Variants in FBXO10 observed in about 807,000 individuals in gnomAD.
FBXO10 encodes F-box protein 10.
In FBXO10, 39 loss-of-function variants were observed where a neutral mutation model predicts 80.7. The ratio of observed to expected loss-of-function variants is 0.48; its 90% CI spans 0.37 to 0.63. The LOEUF (loss-of-function observed/expected upper bound fraction) is 0.63, where lower values mean the gene tolerates loss of function less well. FBXO10 is among the 30% of genes least tolerant of loss of function. FBXO10 has a pLI of 0.00. For synonymous variants in FBXO10, 449 were observed against 489.6 expected (o/e 0.92, Z 1.09); for missense variants, 1,025 against 1,269.0 (o/e 0.81, Z 2.92).
At chr9:37,545,272 G>A (rs1193699274) in intron 1 of FBXO10, among the ~76,000 whole-genome samples, 1 of 144,898 alleles carries the variant, frequency 6.9e-6, no homozygotes, top group Non-Finnish European at 1.5e-5. Context: ...TGCCTCTCAG[G>A]TTCAAGTGAT....
At chr9:37,515,643 C>A (rs1821162650) in intron 10 of FBXO10, 1 of 368,244 alleles carries the variant, frequency 2.7e-6, no homozygotes, top group Non-Finnish European at 4.9e-6. Context: ...AAGTAAGTTG[C>A]CCAAGGTCAC....
rs1468800649 is a variant in FBXO10, at chr9:37,537,737, T to G, written c.792A>C (p.Ala264=). The part of the protein sequence containing the change: ...NSVTVEGHPS[A]DKNWAYKYLL... Reference sequence around the variant, plus strand: ...GATACTTGTAGGCCCAGTTCTTATCTGCAGATGGGTGACCCTCAACAGTCA... The same window carrying G: ...GATACTTGTAGGCCCAGTTCTTATCGGCAGATGGGTGACCCTCAACAGTCA... The change falls in exon 3 of 11, where the codon GCA becomes GCC. Residue 264 remains alanine (A), a synonymous_variant. Coordinates refer to ENST00000432825, the MANE Select transcript of FBXO10 (RefSeq NM_012166.3). 3 of 1,613,930 alleles carry G rather than the reference T, an allele frequency of 1.9e-6. No individual in the cohort carries two copies. Among genetic ancestry groups the G allele is most frequent in the African/African-American group, 1.3e-5 (1 of 74,936 alleles).
chr9:37,522,947 C>G lies in FBXO10; in HGVS notation c.1808G>C (p.Gly603Ala), dbSNP rs1172152625. Residue 603 changes from glycine (G) to alanine (A), a missense_variant, in exon 7 of 11, where the codon GGT becomes GCT. Physicochemically the swap from Gly to Ala is moderately conservative, Grantham distance 60 (BLOSUM62 0). This residue lies in a region of FBXO10 where 478 missense variants were observed against 667.8 expected (regional missense o/e 0.72). Transcript: ENST00000432825. ...ENVIRENQWG[G>A]VDIRRGGIPV... The stretch of plus-strand genomic sequence containing the variant: ...GATCCCTCCACGGCGGATGTCCACA[C>G]CTCCCCACTGATTCTCACGGATGAC... The G allele has an allele frequency of 1.3e-6, 2 of 1,593,602 alleles. No individual in the cohort carries two copies. Among genetic ancestry groups the G allele is most frequent in the African/African-American group, 2.7e-5 (2 of 74,430 alleles).
intron 1 of FBXO10, among the ~76,000 whole-genome samples, chr9:37,544,255 C>T (rs1821996090): frequency 1.3e-5 from 2 of 152,084 alleles, no homozygotes; most frequent in African/African-American, 2.4e-5. Context: ...GGCAACAGAG[C>T]GGGACTCTGT....
chr9:37,526,154 A>G (rs1038834092), intron 5 of FBXO10, among the ~76,000 whole-genome samples: 1 of 152,184 alleles, frequency 6.6e-6, no homozygotes, highest in African/African-American at 2.4e-5. Flanking sequence ...GGGACAGATC[A>G]GTGTACCAAG....
intron 3 of FBXO10, among the ~76,000 whole-genome samples, chr9:37,532,401 C>T (rs9969717): frequency 0.12 from 18,827 of 151,428 alleles, 1,368 homozygotes; most frequent in African/African-American, 0.2. Context: ...CCCAGGCTCA[C>T]GTGATCCTCC....
chr9:37,555,635 C>A (rs1055894920), intron 1 of FBXO10, among the ~76,000 whole-genome samples: 2 of 152,322 alleles, frequency 1.3e-5, no homozygotes, highest in Non-Finnish European at 2.9e-5. Context: ...CCCACCTTGG[C>A]CTCCCAAAGC....
At chr9:37,532,167 C>A in intron 3 of FBXO10, 109 bp from the exon 4 acceptor site, 2 of 1,261,010 alleles carry the variant, frequency 1.6e-6, no homozygotes, top group Non-Finnish European at 2.2e-6. Flanking sequence ...TGCAGTTTAC[C>A]CCGTAGGCAA....
At chr9:37,528,320 GC>G (rs1256056095) in intron 5 of FBXO10, among the ~76,000 whole-genome samples, 1 of 152,144 alleles carries the variant, frequency 6.6e-6, no homozygotes, top group Non-Finnish European at 1.5e-5. Flanking sequence ...TGACCACAGG[GC>G]CCAAGATATT....
At chr9:37,518,062 G>A (rs1020655691) in intron 9 of FBXO10, 63 bp downstream of exon 9, 3 of 1,504,878 alleles carry the variant, frequency 2.0e-6, no homozygotes, top group Non-Finnish European at 2.7e-6. Context: ...GAGGCCACGA[G>A]GACTATCCCA....
intron 5 of FBXO10, among the ~76,000 whole-genome samples, chr9:37,528,383 A>AT (rs768262296): frequency 3.5e-4 from 54 of 152,186 alleles, no homozygotes; most frequent in Non-Finnish European, 5.7e-4. Flanking sequence ...ACCATGTCAG[A>AT]TTTTTTCTCA....
Position 37,529,177 on chromosome 9 carries a change from A to G in FBXO10, c.1653T>C (p.Phe551=). ...TGTAAATGCCAGCCTCCTTATTGGA[A>G]AAGATTTGATTGTTCCGGATGATGC... The part of the protein sequence containing the change: ...GKGIIRNNQI[F]SNKEAGIYIL... Residue 551 remains phenylalanine (F), a synonymous_variant, in exon 5 of 11, where the codon TTT becomes TTC. Transcript: ENST00000432825. The G allele has an allele frequency of 6.2e-7, 1 of 1,613,966 alleles. No individual in the cohort carries two copies. The highest frequency in any genetic ancestry group is 8.5e-7 in the Non-Finnish European group (1 of 1,179,878).
chr9:37,546,848 T>G (rs1352148597), intron 1 of FBXO10, among the ~76,000 whole-genome samples: 2 of 152,094 alleles, frequency 1.3e-5, no homozygotes, highest in African/African-American at 4.8e-5. Flanking sequence ...GCCTGGCTAA[T>G]TTTTGTATTT....
In FBXO10 at chr9:37,537,465, T is replaced by C. The variant is rs1286631326; in HGVS notation, c.1064A>G (p.Asp355Gly). The stretch of plus-strand genomic sequence containing the variant: ...CTCACCGCTGGGACTCAGGCCTCCA[T>C]CGCTGCTGTCCGGGGTCTGGGCCAC... ...ERVAQTPDSS[D>G]GGLSPSGEDE... Residue 355 changes from aspartate (D) to glycine (G), a missense_variant, in exon 3 of 11, where the codon GAT becomes GGT. Transcript: ENST00000432825. The C allele has an allele frequency of 6.2e-7, 1 of 1,606,408 alleles. No individual in the cohort carries two copies. The highest frequency in any genetic ancestry group is 8.5e-7 in the Non-Finnish European group (1 of 1,176,480).
chr9:37,534,272 G>A (rs1322807621), intron 3 of FBXO10, among the ~76,000 whole-genome samples: 1 of 152,184 alleles, frequency 6.6e-6, no homozygotes, highest in Non-Finnish European at 1.5e-5. Context: ...TTCAGCTTCT[G>A]CTTAGGATGG....
At chr9:37,524,331 G>A (rs12551235) in intron 6 of FBXO10, among the ~76,000 whole-genome samples, 12,257 of 152,200 alleles carry the variant, frequency 0.081, 551 homozygotes, top group South Asian at 0.12. Flanking sequence ...GCTCATATAC[G>A]TAGGCTTTTA....
At chr9:37,538,084 A>G in intron 2 of FBXO10, 141 bp from the exon 3 acceptor site, 2 of 668,592 alleles carry the variant, frequency 3.0e-6, no homozygotes, top group South Asian at 1.9e-5. Context: ...TCTGGATGTC[A>G]GCTGTCCCCA....
intron 8 of FBXO10, among the ~76,000 whole-genome samples, chr9:37,519,566 G>A (rs185779832): frequency 6.6e-6 from 1 of 152,164 alleles, no homozygotes; most frequent in Non-Finnish European, 1.5e-5. Flanking sequence ...GAGCCTGCAA[G>A]CTCAAATCTC....
Position 37,531,914 on chromosome 9 carries a change from T to C in FBXO10, c.1564A>G (p.Ile522Val). Reference protein sequence around the residue: ...VDIRKKSNPLILCNQIHHGLR... With the variant: ...VDIRKKSNPLVLCNQIHHGLR... ...AGGGAACGAACACAAAGTACCAGTA[T>C]GAGTGGGTTGGACTTTTTCCGGATG... The change falls in exon 4 of 11, where the codon ATA becomes GTA. Residue 522 changes from isoleucine (I) to valine (V), a missense_variant. Ile to Val is a conservative substitution (Grantham distance 29). Around this residue, in one of 3 missense-constraint regions of FBXO10, gnomAD observed 478 missense variants for 667.8 expected, o/e 0.72. Coordinates refer to ENST00000432825, the MANE Select transcript of FBXO10 (RefSeq NM_012166.3). The C allele has an allele frequency of 6.2e-7, 1 of 1,613,758 alleles. No individual in the cohort carries two copies. The highest frequency in any genetic ancestry group is 1.1e-5 in the South Asian group (1 of 91,064).
Sources: gnomAD v4.1 joint callset for allele counts (sites outside exome capture counted in the v4.1 genomes callset) on GRCh38, gnomAD v4.1.1 for gene constraint, gnomAD v4.1.1 regional missense constraint, MANE v1.5 for transcripts, NCBI Gene and HGNC (gene_info 2026-07-23, HGNC 2026-07-21) for gene names.